Variants in HIP1 observed in about 807,000 individuals in gnomAD.
HIP1 encodes huntingtin-interacting protein 1.
In HIP1, 65 loss-of-function variants were observed where a neutral mutation model predicts 147.6. The observed-to-expected ratio is 0.44, with a 90% CI of 0.36 to 0.54. The LOEUF (loss-of-function observed/expected upper bound fraction) is 0.54. HIP1 is among the 20% of genes least tolerant of loss of function. The pLI, the probability that HIP1 is intolerant of heterozygous loss-of-function variation, is 0.00. For missense variants in HIP1, 1,061 were observed against 1,299.6 expected (o/e 0.82, Z 2.82); for synonymous variants, 479 against 504.0 (o/e 0.95, Z 0.67).
At chr7:75,721,974 TAGTGTAACTGAC>T (rs576347042) in intron 1 of HIP1, among the ~76,000 whole-genome samples, 178 of 152,324 alleles carry the variant, frequency 1.2e-3, no homozygotes, top group African/African-American at 4.2e-3. Context: ...GCTACCTCAC[TAGTGTAACTGAC>T]AGTGTAACTG....
At chr7:75,551,157 T>C (rs1794766632) in intron 22 of HIP1, among the ~76,000 whole-genome samples, 1 of 148,946 alleles carries the variant, frequency 6.7e-6, no homozygotes, top group Admixed American at 6.7e-5. Flanking sequence ...AAACTAACTC[T>C]ATTATTTAGG....
At chr7:75,695,974 C>A (rs1280712481) in intron 1 of HIP1, among the ~76,000 whole-genome samples, 2 of 151,784 alleles carry the variant, frequency 1.3e-5, no homozygotes, top group Non-Finnish European at 2.9e-5. Context: ...CATTTGCTTT[C>A]CTCCTGTCAG....
At chr7:75,564,038 T>G (rs1795322709) in intron 9 of HIP1, among the ~76,000 whole-genome samples, 1 of 152,134 alleles carries the variant, frequency 6.6e-6, no homozygotes, top group South Asian at 2.1e-4. Flanking sequence ...ATTACAGGGA[T>G]GCACCACCAT....
intron 4 of HIP1, among the ~76,000 whole-genome samples, chr7:75,591,119 G>A (rs934804196): frequency 2.7e-5 from 4 of 150,758 alleles, no homozygotes; most frequent in African/African-American, 9.8e-5. Context: ...CACAACCTTC[G>A]CCTCCTAGGT....
At chr7:75,613,448 A>G (rs1554505421) in intron 1 of HIP1, among the ~76,000 whole-genome samples, 1 of 152,114 alleles carries the variant, frequency 6.6e-6, no homozygotes, top group East Asian at 1.9e-4. Flanking sequence ...TCATAGAGCC[A>G]TTGTCACCAG....
At position 75,727,503 on chromosome 7, in the gene HIP1, T is replaced by C. The variant is rs189148103; in HGVS notation, c.120+11298A>G. Among the ~76,000 whole-genome samples the C allele has an allele frequency of 1.2e-3, 190 of 152,222 alleles. 1 individual carries two copies. Among genetic ancestry groups the C allele is most frequent in the Middle Eastern group, 3.4e-3 (1 of 294 alleles). ...GATAATTATGTGTGTTGCAAATATTTTCTTCTGGGAGGAATTTTCAGTGTC... is the reference window on the plus strand; with the variant it reads ...GATAATTATGTGTGTTGCAAATATTCTCTTCTGGGAGGAATTTTCAGTGTC... On this transcript the variant is annotated intron_variant, in intron 1 of 30. Transcript: ENST00000336926.
At chr7:75,659,719 G>A (rs955046127) in intron 1 of HIP1, among the ~76,000 whole-genome samples, 4 of 152,122 alleles carry the variant, frequency 2.6e-5, no homozygotes, top group Non-Finnish European at 5.9e-5. Flanking sequence ...TCAGACCTGG[G>A]GTTACTTGCC....
At chr7:75,566,273 C>T (rs1045681117) in intron 9 of HIP1, among the ~76,000 whole-genome samples, 3 of 151,204 alleles carry the variant, frequency 2.0e-5, no homozygotes, top group South Asian at 2.1e-4. Flanking sequence ...CTGCCCACCT[C>T]GGCCTCCCAA....
chr7:75,634,941 GAA>G (rs58461422), intron 1 of HIP1, among the ~76,000 whole-genome samples: 2,859 of 62,146 alleles, frequency 0.046, 23 homozygotes, highest in East Asian at 0.11. Flanking sequence ...CACTATCTCT[GAA>G]AAAAAAAAAA....
rs1795740563 is a variant in HIP1, at chr7:75,573,914, A to G, written c.605-13T>C. ...AGGGAGTTGAATACTAGGAAATAAA[A>G]GTGAGGGAGAAAGGTGGTAGAGCCA... On this transcript the variant is annotated splice_polypyrimidine_tract_variant and intron_variant, in intron 7 of 30. Coordinates refer to ENST00000336926, the MANE Select transcript of HIP1 (RefSeq NM_005338.7). 6.2e-7 allele frequency: 1 copy of G among 1,605,726 alleles called. No individual in the cohort carries two copies. Among genetic ancestry groups the G allele is most frequent in the African/African-American group, 1.3e-5 (1 of 74,790 alleles).
At chr7:75,728,642 G>T (rs988028467) in intron 1 of HIP1, among the ~76,000 whole-genome samples, 2 of 151,728 alleles carry the variant, frequency 1.3e-5, no homozygotes, top group Non-Finnish European at 3.0e-5. Flanking sequence ...AAGTGGGGCA[G>T]GGAATCTGAT....
chr7:75,572,140 C>T (rs1281592392), intron 8 of HIP1, among the ~76,000 whole-genome samples: 1 of 150,928 alleles, frequency 6.6e-6, no homozygotes, highest in Non-Finnish European at 1.5e-5. Flanking sequence ...ACAAGAATTG[C>T]TTGAACCTGG....
At chr7:75,538,726 C>A (rs933969444) in intron 30 of HIP1, among the ~76,000 whole-genome samples, 4 of 152,094 alleles carry the variant, frequency 2.6e-5, no homozygotes, top group Admixed American at 2.0e-4. Context: ...AGGCGCCCAC[C>A]ACCACGCCAG....
At chr7:75,554,064 C>A (rs782126416) in intron 21 of HIP1, 49 bp downstream of exon 21, 2 of 1,423,652 alleles carry the variant, frequency 1.4e-6, no homozygotes, top group Non-Finnish European at 2.0e-6. Flanking sequence ...CTTTTAAAGG[C>A]CCCCTGCTCC....
At chr7:75,687,236 G>A (rs1363815407) in intron 1 of HIP1, among the ~76,000 whole-genome samples, 1 of 152,092 alleles carries the variant, frequency 6.6e-6, no homozygotes, top group Non-Finnish European at 1.5e-5. Flanking sequence ...CTTCCCTCCA[G>A]GAGTCTAGAG....
At chr7:75,717,647 C>T (rs1392270696) in intron 1 of HIP1, among the ~76,000 whole-genome samples, 4 of 131,294 alleles carry the variant, frequency 3.0e-5, no homozygotes, top group Non-Finnish European at 6.3e-5. Flanking sequence ...GCCTGGCCAA[C>T]ATGGTGAAAC....
In HIP1 at chr7:75,584,632, G is replaced by A. The variant is rs140401959; in HGVS notation, c.465+2121C>T. Among the ~76,000 whole-genome samples the A allele has an allele frequency of 5.6e-3, 853 of 152,130 alleles. 6 individuals carry two copies. Among genetic ancestry groups the A allele is most frequent in the South Asian group, 0.041 (197 of 4,822 alleles). On this transcript the variant is annotated intron_variant, in intron 5 of 30. Transcript: ENST00000336926. ...AGGGGACTGGCTATTGGCACCAGCT[G>A]CTTCTGATGCCACTGAACTCTGCTG...
At chr7:75,595,251 T>TCTTTCTTTCTTCCTTCCTTC (rs1491144475) in intron 2 of HIP1, among the ~76,000 whole-genome samples, 6 of 59,536 alleles carry the variant, frequency 1.0e-4, no homozygotes, top group Non-Finnish European at 1.2e-4. Context: ...TTTCTTTCTT[T>TCTTTCTTTCTTCCTTCCTTC]CTTCCTTCCT....
chr7:75,591,574 G>C (rs1319854999), intron 4 of HIP1, among the ~76,000 whole-genome samples: 1 of 152,088 alleles, frequency 6.6e-6, no homozygotes, highest in Non-Finnish European at 1.5e-5. Context: ...AACGGGACCA[G>C]TGGAAGGAGA....
Sources: allele counts gnomAD v4.1 joint callset (sites outside exome capture counted in the v4.1 genomes callset), GRCh38; gene constraint gnomAD v4.1.1; transcripts MANE v1.5; gene names NCBI Gene and HGNC (gene_info 2026-07-23, HGNC 2026-07-21).